PTPRD: variants seen among roughly 807,000 people sequenced by gnomAD.
PTPRD encodes receptor-type tyrosine-protein phosphatase delta.
PTPRD carries 34 observed loss-of-function variants against 214.5 expected under a neutral mutation model. That is an observed-to-expected ratio of 0.16 (90% CI 0.12 to 0.21). PTPRD has a LOEUF of 0.21. PTPRD is among the 10% of genes least tolerant of loss of function. The probability of loss-of-function intolerance (pLI) is 1.00; values close to 1 mark genes in which losing one functional copy is unlikely to be tolerated. For missense variants in PTPRD, 2,545 were observed against 2,398.7 expected (o/e 1.06, Z -1.27); for synonymous variants, 1,128 against 845.7 (o/e 1.33, Z -5.79).
At chr9:9,864,303 C>A (rs1016889570) in intron 5 of PTPRD, among the ~76,000 whole-genome samples, 45 of 149,198 alleles carry the variant, frequency 3.0e-4, no homozygotes, top group Non-Finnish European at 4.1e-4. Context: ...GAGACTCAGT[C>A]TTAAGAAAAA....
chr9:9,164,107 A>T (rs992058698), intron 10 of PTPRD, among the ~76,000 whole-genome samples: 2 of 152,076 alleles, frequency 1.3e-5, no homozygotes, highest in Non-Finnish European at 2.9e-5. Context: ...AAATTACACC[A>T]ATTTTTTTTT....
chr9:8,436,212 ATGT>A (rs77018069), intron 35 of PTPRD, among the ~76,000 whole-genome samples: 9,847 of 152,232 alleles, frequency 0.065, 586 homozygotes, highest in East Asian at 0.26. Context: ...AAAAGGGGAG[ATGT>A]TGATCAGTTT....
chr9:9,538,310 A>T (rs2076918282), intron 8 of PTPRD, among the ~76,000 whole-genome samples: 1 of 151,966 alleles, frequency 6.6e-6, no homozygotes, highest in South Asian at 2.1e-4. Flanking sequence ...AAAATTTTCA[A>T]AGGAGTATTT....
chr9:9,061,850 T>A lies in PTPRD; in HGVS notation c.-142-43115A>T, dbSNP rs2099708082. On this transcript the variant is annotated intron_variant, in intron 10 of 45. Coordinates refer to ENST00000381196, the MANE Select transcript of PTPRD (RefSeq NM_002839.4). ...CTATCCTCCTGTAGAGAGGCAGGGT[T>A]GCTCCCAGTTGTCAAACTCAAATAA... Among the ~76,000 whole-genome samples the A allele has an allele frequency of 6.6e-5, 10 of 152,194 alleles. No individual in the cohort carries two copies. In the South Asian group the frequency reaches 2.1e-3, roughly 32 times the overall value.
intron 39 of PTPRD, among the ~76,000 whole-genome samples, chr9:8,366,767 T>G (rs1014660026): frequency 6.6e-6 from 1 of 152,208 alleles, no homozygotes; most frequent in African/African-American, 2.4e-5. Flanking sequence ...TGTTTGGAAC[T>G]GCCAAAATGC....
intron 2 of PTPRD, among the ~76,000 whole-genome samples, chr9:10,500,984 G>A (rs1307466019): frequency 6.6e-6 from 1 of 152,000 alleles, no homozygotes; most frequent in Non-Finnish European, 1.5e-5. Flanking sequence ...ATTGTGAACA[G>A]TGCTGGAAGA....
At chr9:8,914,181 T>G (rs1297054471) in intron 11 of PTPRD, among the ~76,000 whole-genome samples, 1 of 152,138 alleles carries the variant, frequency 6.6e-6, no homozygotes, top group Admixed American at 6.6e-5. Context: ...TATGACAAAA[T>G]TGTTTTCAAT....
At chr9:10,397,897 A>G (rs569493503) in intron 2 of PTPRD, among the ~76,000 whole-genome samples, 72 of 152,134 alleles carry the variant, frequency 4.7e-4, no homozygotes, top group Non-Finnish European at 9.7e-4. Flanking sequence ...CAATAACCAA[A>G]TCATTTAACC....
chr9:9,372,127 G>T (rs2059679508), intron 9 of PTPRD, among the ~76,000 whole-genome samples: 1 of 152,086 alleles, frequency 6.6e-6, no homozygotes, highest in African/African-American at 2.4e-5. Context: ...TGTCTATTAG[G>T]TCCGCTTGGT....
chr9:8,721,651 C>G (rs56189765), intron 12 of PTPRD, among the ~76,000 whole-genome samples: 15,451 of 152,138 alleles, frequency 0.1, 2,453 homozygotes, highest in African/African-American at 0.34. Flanking sequence ...CCTTACATTG[C>G]TTAACCTGCT....
chr9:10,134,592 A>G (rs1455606231), intron 3 of PTPRD, among the ~76,000 whole-genome samples: 65 of 152,076 alleles, frequency 4.3e-4, no homozygotes, highest in Non-Finnish European at 1.5e-5. Flanking sequence ...GAATCTAACC[A>G]CAAATATATA....
intron 7 of PTPRD, among the ~76,000 whole-genome samples, chr9:9,601,549 T>C (rs1468496648): frequency 6.6e-6 from 1 of 152,100 alleles, no homozygotes; most frequent in Non-Finnish European, 1.5e-5. Flanking sequence ...TTTGGAAGAA[T>C]GGAGTTAGAG....
At chr9:9,266,126 G>C (rs1939479623) in intron 9 of PTPRD, among the ~76,000 whole-genome samples, 1 of 151,384 alleles carries the variant, frequency 6.6e-6, no homozygotes, top group Non-Finnish European at 1.5e-5. Flanking sequence ...GTCAAAAATT[G>C]TAAAACAAGA....
intron 5 of PTPRD, among the ~76,000 whole-genome samples, chr9:9,847,042 T>C (rs977584357): frequency 3.3e-5 from 5 of 152,152 alleles, no homozygotes; most frequent in Non-Finnish European, 5.9e-5. Flanking sequence ...AATTAGGTTT[T>C]TCTTCTGAAT....
chr9:10,481,536 G>T (rs547770616), intron 2 of PTPRD, among the ~76,000 whole-genome samples: 1 of 152,098 alleles, frequency 6.6e-6, no homozygotes, highest in Non-Finnish European at 1.5e-5. Context: ...ACAAGGATTT[G>T]CCTGATTTGT....
chr9:8,466,318 T>C (rs991255943), intron 31 of PTPRD, among the ~76,000 whole-genome samples: 1 of 151,932 alleles, frequency 6.6e-6, no homozygotes, highest in Non-Finnish European at 1.5e-5. Flanking sequence ...GAGTCAACTT[T>C]TTCTAGAATT....
chr9:9,439,867 T>C (rs1413387892), intron 8 of PTPRD, among the ~76,000 whole-genome samples: 1 of 152,256 alleles, frequency 6.6e-6, no homozygotes, highest in Non-Finnish European at 1.5e-5. Context: ...GGAAACTAAG[T>C]CCTATAGTGA....
At chr9:8,441,147 C>G (rs933782320) in intron 34 of PTPRD, among the ~76,000 whole-genome samples, 1 of 152,160 alleles carries the variant, frequency 6.6e-6, no homozygotes. Context: ...TTCCCATTTC[C>G]TCACAATGAG....
chr9:9,207,504 T>C (rs186372689), intron 9 of PTPRD, among the ~76,000 whole-genome samples: 5 of 152,232 alleles, frequency 3.3e-5, no homozygotes, highest in African/African-American at 9.6e-5. Context: ...ACTAAAGCTA[T>C]TAGACTGACA....
Sources: allele counts gnomAD v4.1 joint callset (sites outside exome capture counted in the v4.1 genomes callset), GRCh38; gene constraint gnomAD v4.1.1; transcripts MANE v1.5; gene names NCBI Gene and HGNC (gene_info 2026-07-23, HGNC 2026-07-21).